Variants in NPM1 observed in about 807,000 individuals in gnomAD.
NPM1 encodes the protein nucleophosmin.
Under a neutral mutation model 44.1 loss-of-function variants are expected in NPM1, and 1 was observed. The observed-to-expected ratio is 0.02, with a 90% CI of 0.01 to 0.11. The LOEUF (loss-of-function observed/expected upper bound fraction) is 0.11. Ranked by LOEUF, NPM1 falls within the 10% of genes least tolerant of loss-of-function variation. The pLI is 1.00. For synonymous variants in NPM1, 126 were observed against 111.8 expected (o/e 1.13, Z -0.80); for missense variants, 197 against 347.8 (o/e 0.57, Z 3.45).
At chr5:171,388,515 G>T (rs1051857711) in intron 1 of NPM1, among the ~76,000 whole-genome samples, 3 of 150,474 alleles carry the variant, frequency 2.0e-5, no homozygotes, top group Non-Finnish European at 4.4e-5. Context: ...GCGTGCTTCG[G>T]CCAGTTACTG....
At chr5:171,399,825 C>T (rs1024093291) in intron 6 of NPM1, among the ~76,000 whole-genome samples, 3 of 152,092 alleles carry the variant, frequency 2.0e-5, no homozygotes, top group Admixed American at 6.5e-5. Context: ...CAGCCCCTAG[C>T]GATCACAATT....
rs150838700 is a variant in NPM1, at chr5:171,395,620, G to C, written c.524+2642G>C. ...GTACTAAGGTCTGCATAGTAGTAAA[G>C]GATGCCTTGAGGGAAACAAATATTA... On this transcript the variant is annotated intron_variant, in intron 6 of 10. Transcript: ENST00000296930. 2.8e-3 allele frequency among the ~76,000 whole-genome samples: 432 copies of C among 152,314 alleles called. 2 individuals are homozygous for C. The highest frequency in any genetic ancestry group is 9.1e-3 in the African/African-American group (377 of 41,562).
chr5:171,392,728 A>C lies in NPM1; in HGVS notation c.371A>C (p.Glu124Ala). Residue 124 changes from glutamate to alanine, a missense_variant, in exon 5 of 11, where the codon GAG becomes GCG. Coordinates refer to ENST00000296930, the MANE Select transcript of NPM1 (RefSeq NM_002520.7). ...QHLVAVEEDA[E>A]SEDEEEEDVK... ...ATTTTAGCTGTGGAGGAAGATGCAGAGTCAGAAGATGAAGAGGAGGAGGAT... is the reference window on the plus strand; with the variant it reads ...ATTTTAGCTGTGGAGGAAGATGCAGCGTCAGAAGATGAAGAGGAGGAGGAT... 6.2e-7 allele frequency: 1 copy of C among 1,611,164 alleles called. No homozygotes were observed. Among genetic ancestry groups the C allele is most frequent in the Non-Finnish European group, 8.5e-7 (1 of 1,177,770 alleles).
chr5:171,399,431 A>G lies in NPM1; in HGVS notation c.525-722A>G, dbSNP rs541807860. ...TGCTAATTAAAAATTTTTTTTGTAGAGAGGGTTCTCATTATGTTGCCTAGG... is the reference window on the plus strand; with the variant it reads ...TGCTAATTAAAAATTTTTTTTGTAGGGAGGGTTCTCATTATGTTGCCTAGG... On this transcript the variant is annotated intron_variant, in intron 6 of 10. Coordinates refer to ENST00000296930, the MANE Select transcript of NPM1 (RefSeq NM_002520.7). Among the ~76,000 whole-genome samples the G allele has an allele frequency of 1.2e-4, 19 of 152,162 alleles. No homozygotes were observed. The South Asian group carries it at 3.3e-3, about 27-fold the overall frequency.
At chr5:171,406,127 G>A (rs1771549662) in intron 9 of NPM1, among the ~76,000 whole-genome samples, 1 of 152,082 alleles carries the variant, frequency 6.6e-6, no homozygotes, top group Non-Finnish European at 1.5e-5. Context: ...GAGCAAATGT[G>A]GGGTGGTGAA....
intron 10 of NPM1, among the ~76,000 whole-genome samples, chr5:171,408,077 G>T (rs1244911709): frequency 6.6e-6 from 1 of 150,976 alleles, no homozygotes; most frequent in African/African-American, 2.4e-5. Context: ...AATTGCTGTG[G>T]TTTTCCTTGC....
chr5:171,391,121 C>A, intron 2 of NPM1, 184 bp from the exon 3 acceptor site: 2 of 631,032 alleles, frequency 3.2e-6, no homozygotes, highest in Non-Finnish European at 5.4e-6. Context: ...GTGTAGTAGG[C>A]TATACCATCT....
chr5:171,390,178 CT>C, intron 2 of NPM1, 48 bp downstream of exon 2: 3 of 1,090,282 alleles, frequency 2.8e-6, no homozygotes, highest in Admixed American at 2.7e-5. Flanking sequence ...TGATTTCAGC[CT>C]TTTAGTTTCT....
intron 10 of NPM1, among the ~76,000 whole-genome samples, chr5:171,408,250 C>G (rs1387489520): frequency 6.6e-6 from 1 of 151,370 alleles, no homozygotes; most frequent in African/African-American, 2.4e-5. Context: ...CTACCAGATA[C>G]ATAAGCTTGA....
chr5:171,404,767 T>C (rs1312405049), intron 8 of NPM1, among the ~76,000 whole-genome samples: 1 of 149,246 alleles, frequency 6.7e-6, no homozygotes, highest in African/African-American at 2.5e-5. Flanking sequence ...CTCGGCACTT[T>C]GGGAGGCCAA....
intron 3 of NPM1, 125 bp from the exon 4 acceptor site, chr5:171,391,581 T>G: frequency 8.7e-7 from 1 of 1,143,900 alleles, no homozygotes; most frequent in Non-Finnish European, 1.3e-6. Context: ...GGGCTTCTGC[T>G]GCTACTTTTA....
rs754937690 is a variant in NPM1, at chr5:171,387,908, C to T, written c.-41C>T. ...TCTCTGGAGCAGCGTTCTTTTATCTCCGTCCGCCTTCTCTCCTACCTAAGT... is the reference window on the plus strand; with the variant it reads ...TCTCTGGAGCAGCGTTCTTTTATCTTCGTCCGCCTTCTCTCCTACCTAAGT... On this transcript the variant is annotated 5_prime_UTR_variant, in exon 1 of 11. Transcript: ENST00000296930. 7.5e-6 allele frequency: 12 copies of T among 1,591,852 alleles called. No homozygotes were observed. Among genetic ancestry groups the T allele is most frequent in the Middle Eastern group, 2.3e-4 (1 of 4,406 alleles).
chr5:171,410,647 T>G lies in NPM1; in HGVS notation c.*82T>G. 1 of 750,578 alleles carries G rather than the reference T, an allele frequency of 1.3e-6. No individual in the cohort carries two copies. Among genetic ancestry groups the G allele is most frequent in the Non-Finnish European group, 2.2e-6 (1 of 453,212 alleles). The allele number at this position is 750,578 out of a possible 1,614,324, so 46.5% of individuals were successfully genotyped here. On this transcript the variant is annotated 3_prime_UTR_variant, in exon 11 of 11. Transcript: ENST00000296930. ...AGTTGATATCTGGCTGTCCTTTTTA[T>G]AATGCAGAGTGAGAACTTTCCCTAC...
At chr5:171,387,501 A>C, upstream of NPM1, 1 of 199,126 alleles carries the variant, frequency 5.0e-6, no homozygotes, top group South Asian at 1.9e-4. Flanking sequence ...GCCATTTTGC[A>C]GGGTGGGCTG....
At chr5:171,393,836 A>AAAAATTC (rs1411110827) in intron 6 of NPM1, among the ~76,000 whole-genome samples, 1 of 152,212 alleles carries the variant, frequency 6.6e-6, no homozygotes, top group Non-Finnish European at 1.5e-5. Flanking sequence ...CCGAAAGCTT[A>AAAAATTC]AAAATTCAAA....
chr5:171,408,453 C>T (rs1771674952), intron 10 of NPM1, among the ~76,000 whole-genome samples: 1 of 152,036 alleles, frequency 6.6e-6, no homozygotes, highest in Admixed American at 6.6e-5. Flanking sequence ...CTGTGGTCAG[C>T]TTTTTTCAAA....
Position 171,392,895 on chromosome 5 carries a change from GTA to G in NPM1, c.460-17_460-16del. 6.2e-7 allele frequency: 1 copy of G among 1,611,858 alleles called. No individual in the cohort carries two copies. Among genetic ancestry groups the G allele is most frequent in the Middle Eastern group, 1.7e-4 (1 of 6,060 alleles). On this transcript the variant is annotated splice_polypyrimidine_tract_variant and intron_variant, in intron 5 of 10. Transcript: ENST00000296930. ...TAGAACAGCTCTTGTTCATGAGTAC[GTA>G]TCTTTTCTTTTAAAAGAAAAAAGTA... is the stretch of plus-strand genomic sequence containing the variant.
intron 6 of NPM1, among the ~76,000 whole-genome samples, chr5:171,398,172 C>T (rs4130071): frequency 0.4 from 61,548 of 152,128 alleles, 12,480 homozygotes; most frequent in East Asian, 0.55. Flanking sequence ...TGAATTGTTA[C>T]TTAACTTTCA....
intron 6 of NPM1, among the ~76,000 whole-genome samples, chr5:171,396,400 G>A (rs945187963): frequency 1.3e-5 from 2 of 152,200 alleles, no homozygotes; most frequent in Non-Finnish European, 1.5e-5. Flanking sequence ...TAGCACAGGG[G>A]AGGCACCTGC....
Sources: allele counts gnomAD v4.1 joint callset (sites outside exome capture counted in the v4.1 genomes callset), GRCh38; gene constraint gnomAD v4.1.1; transcripts MANE v1.5; gene names NCBI Gene and HGNC (gene_info 2026-07-23, HGNC 2026-07-21).